The following HNMT variants were observed in gnomAD, a reference collection of about 807,000 sequenced individuals.
The protein encoded by HNMT is histamine N-methyltransferase.
Under a neutral mutation model 32.1 loss-of-function variants are expected in HNMT, and 30 were observed. The ratio of observed to expected loss-of-function variants is 0.93; its 90% CI spans 0.70 to 1.27. The LOEUF is 1.27. Ranked by LOEUF, HNMT falls within the 50% of genes most tolerant of loss-of-function variation. HNMT has a pLI of 0.00. For synonymous variants in HNMT, 125 were observed against 119.0 expected (o/e 1.05, Z -0.33); for missense variants, 327 against 346.0 (o/e 0.95, Z 0.43).
chr2:138,001,973 A>G (rs1681187206), intron 3 of HNMT, 91 bp from the exon 4 acceptor site: 4 of 982,054 alleles, frequency 4.1e-6, no homozygotes, highest in Non-Finnish European at 1.4e-6. Context: ...CTGTTTGTAT[A>G]TAACATTGAT....
At chr2:138,001,367 CTT>C (rs777580833) in intron 3 of HNMT, among the ~76,000 whole-genome samples, 25 of 152,260 alleles carry the variant, frequency 1.6e-4, no homozygotes, top group Middle Eastern at 3.4e-3. Context: ...AGTTCACAAA[CTT>C]TTCCTGGCAA....
intron 2 of HNMT, among the ~76,000 whole-genome samples, chr2:137,983,563 T>A (rs1298798366): frequency 3.9e-5 from 6 of 152,160 alleles, no homozygotes; most frequent in Admixed American, 3.9e-4. Context: ...AACACGTTTA[T>A]TAACGTGCAG....
chr2:137,998,499 G>A (rs999507033), intron 2 of HNMT, among the ~76,000 whole-genome samples: 4 of 152,088 alleles, frequency 2.6e-5, no homozygotes, highest in Non-Finnish European at 4.4e-5. Flanking sequence ...TAGATTTTAC[G>A]TTCTAATTGA....
rs556187379 is a variant in HNMT, at chr2:137,997,713, C to T, written c.191-3205C>T. Among the ~76,000 whole-genome samples the T allele has an allele frequency of 3.9e-5, 6 of 152,324 alleles. No individual in the cohort carries two copies. The South Asian group carries it at 1.2e-3, about 32-fold the overall frequency. On this transcript the variant is annotated intron_variant, in intron 2 of 5. Transcript: ENST00000280097. The stretch of plus-strand genomic sequence containing the variant: ...AATATAAATCATTCTACTATAAAGA[C>T]ACATGCATATGTATGCTCACTGCAG...
At chr2:137,966,839 T>G (rs1323406539) in intron 1 of HNMT, among the ~76,000 whole-genome samples, 1 of 152,228 alleles carries the variant, frequency 6.6e-6, no homozygotes, top group African/African-American at 2.4e-5. Flanking sequence ...TATTTCACTT[T>G]CTGAGAATCA....
chr2:137,999,018 A>C (rs994197482), intron 2 of HNMT, among the ~76,000 whole-genome samples: 3 of 152,136 alleles, frequency 2.0e-5, no homozygotes, highest in African/African-American at 7.2e-5. Flanking sequence ...GTTGCTGAAC[A>C]GAAGAATAAA....
At chr2:137,982,631 GA>G (rs1037303055) in intron 2 of HNMT, among the ~76,000 whole-genome samples, 12 of 151,896 alleles carry the variant, frequency 7.9e-5, no homozygotes, top group African/African-American at 1.7e-4. Flanking sequence ...CAGGAGTGAA[GA>G]AAAAAATCCA....
At chr2:137,974,709 TC>T (rs1462067157) in intron 2 of HNMT, among the ~76,000 whole-genome samples, 2 of 152,298 alleles carry the variant, frequency 1.3e-5, no homozygotes, top group African/African-American at 4.8e-5. Flanking sequence ...TAATCCAGCT[TC>T]CTACTTCTAT....
At chr2:137,983,007 G>A (rs1037653515) in intron 2 of HNMT, among the ~76,000 whole-genome samples, 7 of 152,126 alleles carry the variant, frequency 4.6e-5, no homozygotes, top group African/African-American at 1.7e-4. Context: ...AGTAATAGAC[G>A]GTGGAGCCGA....
At chr2:137,971,346 A>G (rs1041122227) in intron 2 of HNMT, among the ~76,000 whole-genome samples, 2 of 152,012 alleles carry the variant, frequency 1.3e-5, no homozygotes, top group Non-Finnish European at 2.9e-5. Flanking sequence ...CACCTGGCTA[A>G]TTTTTGTATT....
At chr2:138,004,562 T>C (rs1681276706) in intron 4 of HNMT, among the ~76,000 whole-genome samples, 1 of 152,010 alleles carries the variant, frequency 6.6e-6, no homozygotes, top group South Asian at 2.1e-4. Context: ...AAAATGGGTG[T>C]CCTGACCCCT....
At chr2:138,013,717 G>C in intron 5 of HNMT, 58 bp from the exon 6 acceptor site, 1 of 1,337,200 alleles carries the variant, frequency 7.5e-7, no homozygotes, top group South Asian at 1.3e-5. Flanking sequence ...GTACTTTCTG[G>C]CAGACTGCAA....
chr2:137,992,146 T>C (rs1680839658), intron 2 of HNMT, among the ~76,000 whole-genome samples: 1 of 152,130 alleles, frequency 6.6e-6, no homozygotes, highest in Admixed American at 6.5e-5. Flanking sequence ...AACCCAGGAA[T>C]GCACAGACTC....
At chr2:138,007,333 A>G (rs945526371) in intron 5 of HNMT, among the ~76,000 whole-genome samples, 6 of 152,006 alleles carry the variant, frequency 3.9e-5, no homozygotes, top group African/African-American at 1.2e-4. Context: ...TAAATTAAAT[A>G]TAAGTTAATT....
At position 137,997,733 on chromosome 2, in the gene HNMT, C is replaced by A. The variant is rs576377792; in HGVS notation, c.191-3185C>A. 6.6e-5 allele frequency among the ~76,000 whole-genome samples: 10 copies of A among 152,316 alleles called. No individual in the cohort carries two copies. The East Asian group carries it at 1.7e-3, about 26-fold the overall frequency. ...AAAGACACATGCATATGTATGCTCA[C>A]TGCAGCACTATTTACAATAGCAAAG... On this transcript the variant is annotated intron_variant, in intron 2 of 5. Transcript: ENST00000280097.
rs190618218 is a variant in HNMT, at chr2:138,004,952, A to G, written c.430-180A>G. On this transcript the variant is annotated intron_variant, in intron 4 of 5. Coordinates refer to ENST00000280097, the MANE Select transcript of HNMT (RefSeq NM_006895.3). ...ACCATACTTTTCCATTTCCCCAAAT[A>G]TTTTCTCACATTATTGTTCTATGTC... Among the ~76,000 whole-genome samples, 12 of 152,186 alleles carry G rather than the reference A, an allele frequency of 7.9e-5. No homozygotes were observed. In the East Asian group the frequency reaches 2.1e-3, roughly 27 times the overall value.
intron 1 of HNMT, among the ~76,000 whole-genome samples, chr2:137,966,319 G>A (rs1679955328): frequency 6.6e-6 from 1 of 151,996 alleles, no homozygotes; most frequent in South Asian, 2.1e-4. Context: ...CCCACTCTCC[G>A]GAAGCAACCA....
rs1193971430 is a variant in HNMT at position 137,964,545 on chromosome 2, T to A, written c.54T>A (p.Ser18=). 3 of 1,613,746 alleles carry A rather than the reference T, an allele frequency of 1.9e-6. No individual in the cohort carries two copies. The part of the protein sequence containing the change: ...LFSDHGKYVE[S]FRRFLNHSTE... ...CTGACCACGGGAAATATGTTGAATC[T>A]TTCCGGAGGTTTCTCAACCATTCCA... Residue 18 remains serine, a synonymous_variant, in exon 1 of 6, where the codon TCT becomes TCA. Coordinates refer to ENST00000280097, the MANE Select transcript of HNMT (RefSeq NM_006895.3).
At chr2:137,991,656 C>T (rs1262560453) in intron 2 of HNMT, among the ~76,000 whole-genome samples, 2 of 151,966 alleles carry the variant, frequency 1.3e-5, no homozygotes, top group Non-Finnish European at 2.9e-5. Context: ...ACACATATAT[C>T]GATCTATGCA....
Sources: allele counts gnomAD v4.1 joint callset (sites outside exome capture counted in the v4.1 genomes callset), GRCh38; gene constraint gnomAD v4.1.1; transcripts MANE v1.5; gene names NCBI Gene and HGNC (gene_info 2026-07-23, HGNC 2026-07-21).